SLC39A12: variants seen among roughly 807,000 people sequenced by gnomAD.
SLC39A12 encodes zinc transporter ZIP12.
SLC39A12 carries 63 observed loss-of-function variants against 71.1 expected under a neutral mutation model. The observed-to-expected ratio is 0.89, with a 90% CI of 0.72 to 1.09. The LOEUF (loss-of-function observed/expected upper bound fraction) is 1.09. SLC39A12 is among the 50% of genes least tolerant of loss of function. SLC39A12 has a pLI of 0.00. For synonymous variants in SLC39A12, 351 were observed against 301.3 expected, an observed-to-expected ratio of 1.16 and a Z score of -1.71; for missense variants, 892 against 812.6, an observed-to-expected ratio of 1.10 and a Z score of -1.19.
At chr10:17,979,590 G>T (rs1490165786) in intron 5 of SLC39A12, among the ~76,000 whole-genome samples, 1 of 152,092 alleles carries the variant, frequency 6.6e-6, no homozygotes, top group African/African-American at 2.4e-5. Flanking sequence ...GTGCAAAAGA[G>T]AATCTTGTCT....
At chr10:17,971,093 T>G (rs1834961636) in intron 4 of SLC39A12, among the ~76,000 whole-genome samples, 1 of 152,128 alleles carries the variant, frequency 6.6e-6, no homozygotes, top group South Asian at 2.1e-4. Context: ...GTTGATGTGA[T>G]GTATTACATC....
intron 2 of SLC39A12, among the ~76,000 whole-genome samples, chr10:17,956,272 C>G (rs533646175): frequency 6.6e-6 from 1 of 152,226 alleles, no homozygotes; most frequent in Non-Finnish European, 1.5e-5. Flanking sequence ...CCAGGAAGAT[C>G]TCTGTGGATC....
chr10:17,952,968 A>G (rs7081872), intron 1 of SLC39A12, among the ~76,000 whole-genome samples: 7,609 of 152,190 alleles, frequency 0.05, 520 homozygotes, highest in African/African-American at 0.15. Flanking sequence ...CGCTATGTTT[A>G]GTTTAGGGAG....
intron 2 of SLC39A12, among the ~76,000 whole-genome samples, chr10:17,954,451 T>A (rs1834487503): frequency 6.6e-6 from 1 of 152,130 alleles, no homozygotes; most frequent in African/African-American, 2.4e-5. Context: ...AGATGGGGTT[T>A]CACCATGTTG....
At chr10:18,021,400 G>T (rs187220968) in intron 12 of SLC39A12, among the ~76,000 whole-genome samples, 18 of 151,896 alleles carry the variant, frequency 1.2e-4, no homozygotes, top group South Asian at 4.1e-4. Flanking sequence ...ATCAATCATT[G>T]TTGGCTTAAA....
At chr10:17,976,343 G>A (rs531508531) in intron 4 of SLC39A12, among the ~76,000 whole-genome samples, 31 of 152,174 alleles carry the variant, frequency 2.0e-4, no homozygotes, top group African/African-American at 7.2e-4. Context: ...GCCATTAATT[G>A]TAGTGATGCT....
chr10:17,974,823 G>T (rs186998632), intron 4 of SLC39A12, among the ~76,000 whole-genome samples: 1 of 152,194 alleles, frequency 6.6e-6, no homozygotes, highest in South Asian at 2.1e-4. Context: ...GGTGAAGCCA[G>T]CCAGGCTTGT....
intron 6 of SLC39A12, among the ~76,000 whole-genome samples, chr10:17,984,555 A>G (rs1028864737): frequency 6.6e-6 from 1 of 152,240 alleles, no homozygotes; most frequent in African/African-American, 2.4e-5. Flanking sequence ...AATAAATGAA[A>G]AGAATGGCAT....
intron 7 of SLC39A12, among the ~76,000 whole-genome samples, chr10:17,989,242 T>G (rs1835479271): frequency 1.3e-5 from 2 of 152,218 alleles, no homozygotes. Context: ...TCTGGCAGTT[T>G]CCTGCAGGGT....
chr10:17,999,649 A>G (rs1483387782), intron 10 of SLC39A12, among the ~76,000 whole-genome samples: 1 of 152,224 alleles, frequency 6.6e-6, no homozygotes, highest in East Asian at 1.9e-4. Context: ...GATGATATAT[A>G]TTATGCAATC....
chr10:18,017,292 A>T (rs576174572), intron 12 of SLC39A12, among the ~76,000 whole-genome samples: 1 of 151,964 alleles, frequency 6.6e-6, no homozygotes, highest in African/African-American at 2.4e-5. Flanking sequence ...ATTCAGGTCT[A>T]TGCTTTATTG....
intron 2 of SLC39A12, among the ~76,000 whole-genome samples, chr10:17,958,937 T>C (rs941059565): frequency 6.6e-6 from 1 of 152,138 alleles, no homozygotes; most frequent in African/African-American, 2.4e-5. Context: ...TATTAAAAAA[T>C]TCATTACTTT....
chr10:17,963,182 A>T (rs1234775657), intron 3 of SLC39A12, among the ~76,000 whole-genome samples: 4 of 152,150 alleles, frequency 2.6e-5, no homozygotes, highest in South Asian at 2.1e-4. Context: ...AAGCAGGAAA[A>T]AAAAAAGAAA....
intron 12 of SLC39A12, among the ~76,000 whole-genome samples, chr10:18,036,655 G>T (rs1001811716): frequency 2.5e-4 from 38 of 150,144 alleles, no homozygotes; most frequent in African/African-American, 9.1e-4. Flanking sequence ...GTTCCTATTC[G>T]GCCATCTTGG....
At chr10:18,025,170 CA>C (rs1258997201) in intron 12 of SLC39A12, among the ~76,000 whole-genome samples, 1 of 151,996 alleles carries the variant, frequency 6.6e-6, no homozygotes, top group Non-Finnish European at 1.5e-5. Context: ...TTGTCTTTCA[CA>C]TTTTTTTTGC....
chr10:17,952,563 C>T (rs1266296291), intron 1 of SLC39A12, among the ~76,000 whole-genome samples: 2 of 148,778 alleles, frequency 1.3e-5, no homozygotes, highest in African/African-American at 5.0e-5. Context: ...TCTTGGCTCA[C>T]TGCAACCCCC....
intron 12 of SLC39A12, among the ~76,000 whole-genome samples, chr10:18,022,156 T>C (rs2130877163): frequency 6.6e-6 from 1 of 152,274 alleles, no homozygotes; most frequent in East Asian, 1.9e-4. Flanking sequence ...TTTCTGAATT[T>C]GAATGTCAAC....
chr10:17,967,942 A>C (rs1277777010), intron 4 of SLC39A12, among the ~76,000 whole-genome samples: 1 of 149,798 alleles, frequency 6.7e-6, no homozygotes, highest in Non-Finnish European at 1.5e-5. Flanking sequence ...TCCCTCACAG[A>C]GATTGTAGGC....
In SLC39A12 at chr10:18,041,671, A is replaced by G. The variant is rs1451150030; in HGVS notation, c.1948-1034A>G. Among the ~76,000 whole-genome samples, 548 of 110,724 alleles carry G rather than the reference A, an allele frequency of 4.9e-3. 6 individuals are homozygous for G. Among genetic ancestry groups the G allele is most frequent in the African/African-American group, 0.018 (517 of 28,918 alleles). 72.6% of individuals were successfully genotyped at this position (110,724 alleles called of 152,430 possible). A position where few individuals can be genotyped will look rare whatever the true frequency, so the allele number is the denominator to read the frequency against. On this transcript the variant is annotated intron_variant, in intron 12 of 12. Transcript: ENST00000377369. The stretch of plus-strand genomic sequence containing the variant: ...TATACATATGTATATATGTGTATAT[A>G]TATGTATATACATATGTATATATGT...
Sources: allele counts gnomAD v4.1 joint callset (sites outside exome capture counted in the v4.1 genomes callset), GRCh38; gene constraint gnomAD v4.1.1; transcripts MANE v1.5; gene names NCBI Gene and HGNC (gene_info 2026-07-23, HGNC 2026-07-21).